CTNNA2: variants seen among roughly 807,000 people sequenced by gnomAD.
The protein encoded by CTNNA2 is catenin alpha 2, also known as catenin alpha-2.
In CTNNA2, 42 loss-of-function variants were observed where a neutral mutation model predicts 101.0. The observed-to-expected ratio is 0.42, with a 90% CI of 0.32 to 0.54. The LOEUF (loss-of-function observed/expected upper bound fraction) is 0.54, where lower values mean the gene tolerates loss of function less well. Among genes scored for constraint, CTNNA2 ranks in the 20% least tolerant of loss-of-function variants. CTNNA2 has a pLI of 0.14. For synonymous variants in CTNNA2, 450 were observed against 456.4 expected, an observed-to-expected ratio of 0.99 and a Z score of 0.18; for missense variants, 871 against 1,223.1, an observed-to-expected ratio of 0.71 and a Z score of 4.29.
chr2:79,983,222 C>A (rs1317977706), intron 7 of CTNNA2, among the ~76,000 whole-genome samples: 2 of 148,982 alleles, frequency 1.3e-5, no homozygotes, highest in Non-Finnish European at 3.0e-5. Context: ...TACAACATAT[C>A]CATATTAATA....
intron 4 of CTNNA2, among the ~76,000 whole-genome samples, chr2:79,458,140 C>T (rs1413502967): frequency 1.3e-5 from 2 of 152,116 alleles, no homozygotes; most frequent in Non-Finnish European, 2.9e-5. Flanking sequence ...ACCAAAGCCC[C>T]AATAGAAGAT....
chr2:79,891,794 A>G (rs1684324730), intron 6 of CTNNA2, among the ~76,000 whole-genome samples: 1 of 152,214 alleles, frequency 6.6e-6, no homozygotes, highest in Non-Finnish European at 1.5e-5. Flanking sequence ...AAACAAATTT[A>G]TACTGAAAAT....
chr2:79,812,904 G>C (rs766805017), intron 3 of CTNNA2, among the ~76,000 whole-genome samples: 4 of 152,100 alleles, frequency 2.6e-5, no homozygotes, highest in Admixed American at 1.3e-4. Flanking sequence ...GAGAGAGAAA[G>C]CTCAGCCTCC....
At chr2:80,212,954 G>C (rs1708000014) in intron 7 of CTNNA2, among the ~76,000 whole-genome samples, 1 of 152,098 alleles carries the variant, frequency 6.6e-6, no homozygotes, top group South Asian at 2.1e-4. Flanking sequence ...GGGTGTATGT[G>C]TCGAGGAATT....
intron 6 of CTNNA2, among the ~76,000 whole-genome samples, chr2:79,886,725 TG>T (rs1330815756): frequency 2.1e-5 from 2 of 94,404 alleles, no homozygotes; most frequent in African/African-American, 4.3e-5. Flanking sequence ...CACTCCAGCC[TG>T]GGTGACAGAG....
At chr2:79,654,956 C>T (rs1023395234) in intron 2 of CTNNA2, among the ~76,000 whole-genome samples, 1 of 152,076 alleles carries the variant, frequency 6.6e-6, no homozygotes, top group South Asian at 2.1e-4. Context: ...AGGAATTTGA[C>T]AGTAATTTTT....
At chr2:80,201,177 T>G (rs913089402) in intron 7 of CTNNA2, among the ~76,000 whole-genome samples, 72 of 152,118 alleles carry the variant, frequency 4.7e-4, no homozygotes, top group African/African-American at 1.7e-3. Context: ...TTATTTTTAT[T>G]ATTGTATTGT....
intron 2 of CTNNA2, among the ~76,000 whole-genome samples, chr2:79,236,024 G>A (rs1414075640): frequency 1.3e-5 from 2 of 151,994 alleles, no homozygotes; most frequent in African/African-American, 4.8e-5. Context: ...AGAGATAGGT[G>A]GAGTTGACCA....
intron 4 of CTNNA2, among the ~76,000 whole-genome samples, chr2:79,391,069 T>C (rs1678166692): frequency 6.6e-6 from 1 of 152,188 alleles, no homozygotes; most frequent in Non-Finnish European, 1.5e-5. Context: ...TATTCACCAT[T>C]GCCTACTTTC....
intron 1 of CTNNA2, among the ~76,000 whole-genome samples, chr2:79,651,019 A>G (rs2104473055): frequency 6.6e-6 from 1 of 152,204 alleles, no homozygotes; most frequent in Non-Finnish European, 1.5e-5. Flanking sequence ...AGGAAACAAC[A>G]GGTGCTGGAG....
At chr2:79,417,791 G>A (rs1006304998) in intron 4 of CTNNA2, among the ~76,000 whole-genome samples, 4 of 152,038 alleles carry the variant, frequency 2.6e-5, no homozygotes, top group African/African-American at 9.7e-5. Flanking sequence ...GTATGTGTGT[G>A]TGTGTTGTAT....
chr2:79,664,032 G>T (rs945863807), intron 2 of CTNNA2, among the ~76,000 whole-genome samples: 3 of 152,128 alleles, frequency 2.0e-5, no homozygotes, highest in African/African-American at 7.2e-5. Flanking sequence ...CATTTTAAAA[G>T]ATAAATATAT....
intron 7 of CTNNA2, among the ~76,000 whole-genome samples, chr2:79,990,833 G>T (rs1047912034): frequency 2.0e-5 from 3 of 152,114 alleles, no homozygotes; most frequent in Non-Finnish European, 2.9e-5. Flanking sequence ...CTGTTGATTG[G>T]AATAGTTTCA....
chr2:79,325,082 AG>A lies in CTNNA2; in HGVS notation c.-318+12287del, dbSNP rs1217898082. Among the ~76,000 whole-genome samples the A allele has an allele frequency of 2.0e-5, 3 of 152,170 alleles. No individual in the cohort carries two copies. The East Asian group carries it at 5.8e-4, about 29-fold the overall frequency. ...AAAGGATGGTCTCATTTTTATTGGA[AG>A]ATTAAGATAAGAGATAGGTTCAAAA... On this transcript the variant is annotated intron_variant, in intron 3 of 21. Coordinates refer to the CTNNA2 transcript ENST00000466387.
At chr2:80,610,972 A>G (rs890324086) in intron 17 of CTNNA2, among the ~76,000 whole-genome samples, 1 of 151,144 alleles carries the variant, frequency 6.6e-6, no homozygotes, top group Non-Finnish European at 1.5e-5. Flanking sequence ...ACTGCTATCT[A>G]AGAAATACCA....
At chr2:79,947,247 TA>T (rs1490991268) in intron 7 of CTNNA2, among the ~76,000 whole-genome samples, 1 of 152,194 alleles carries the variant, frequency 6.6e-6, no homozygotes, top group African/African-American at 2.4e-5. Flanking sequence ...TTTTTTTCAC[TA>T]AAGCCCTTTA....
At chr2:79,689,789 A>G (rs749687158) in intron 2 of CTNNA2, among the ~76,000 whole-genome samples, 11 of 152,020 alleles carry the variant, frequency 7.2e-5, no homozygotes, top group Non-Finnish European at 1.5e-4. Context: ...GCAAAGAATA[A>G]AATGGAAATC....
chr2:80,269,602 A>G (rs748666165), intron 7 of CTNNA2, among the ~76,000 whole-genome samples: 4 of 152,152 alleles, frequency 2.6e-5, no homozygotes, highest in Non-Finnish European at 5.9e-5. Context: ...ATGCTGTTAT[A>G]TGTTTCTATC....
chr2:80,626,020 A>G (rs936648687), intron 18 of CTNNA2, among the ~76,000 whole-genome samples: 3 of 152,108 alleles, frequency 2.0e-5, no homozygotes, highest in African/African-American at 4.8e-5. Flanking sequence ...AATTTATTGT[A>G]AAAAGAAATT....
Sources: gnomAD v4.1 joint callset for allele counts (sites outside exome capture counted in the v4.1 genomes callset) on GRCh38, gnomAD v4.1.1 for gene constraint, MANE v1.5 for transcripts, NCBI Gene and HGNC (gene_info 2026-07-23, HGNC 2026-07-21) for gene names.